The following MAPK14 variants were observed in gnomAD, a reference collection of about 807,000 sequenced individuals.
The protein encoded by MAPK14 is mitogen-activated protein kinase 14.
MAPK14 carries 16 observed loss-of-function variants against 49.6 expected under a neutral mutation model. The ratio of observed to expected loss-of-function variants is 0.32; its 90% CI spans 0.22 to 0.49. The LOEUF (loss-of-function observed/expected upper bound fraction) is 0.49, where lower values mean the gene tolerates loss of function less well. Ranked by LOEUF, MAPK14 falls within the 20% of genes least tolerant of loss-of-function variation. The pLI is 0.99. For synonymous variants in MAPK14, 142 were observed against 158.0 expected, an observed-to-expected ratio of 0.90 and a Z score of 0.76; for missense variants, 200 against 441.2, an observed-to-expected ratio of 0.45 and a Z score of 4.90.
chr6:36,078,594 G>A (rs1764623028), intron 8 of MAPK14, among the ~76,000 whole-genome samples: 1 of 152,082 alleles, frequency 6.6e-6, no homozygotes. Flanking sequence ...TTTCTTCTGT[G>A]AGCTTTAGAT....
intron 1 of MAPK14, among the ~76,000 whole-genome samples, chr6:36,031,730 G>A (rs1333829098): frequency 6.6e-6 from 1 of 152,062 alleles, no homozygotes; most frequent in Non-Finnish European, 1.5e-5. Flanking sequence ...TTTGAGAGCA[G>A]ATTTGATTTT....
chr6:36,121,838 G>A, the MAPK14 span, among the ~76,000 whole-genome samples: 1 of 152,158 alleles, frequency 6.6e-6, no homozygotes, highest in African/African-American at 2.4e-5. Flanking sequence ...TACTAGCTGT[G>A]TGTCCTTGGG....
rs555846891 is a variant in MAPK14, at chr6:36,075,766, T to G, written c.496-82T>G. The stretch of plus-strand genomic sequence containing the variant: ...CCTTTTTAATAAGGCAACAGAGGTT[T>G]GTTTGTTGTTGTTGTTTTGTTTTTT... On this transcript the variant is annotated intron_variant, in intron 6 of 11. Transcript: ENST00000229794. The G allele has an allele frequency of 4.4e-5, 70 of 1,590,146 alleles. No individual in the cohort carries two copies. The Admixed American group carries it at 1.1e-3, about 25-fold the overall frequency.
chr6:36,033,175 T>G (rs954309327), intron 1 of MAPK14, among the ~76,000 whole-genome samples: 2 of 152,228 alleles, frequency 1.3e-5, no homozygotes, highest in African/African-American at 4.8e-5. Context: ...TAGTTGCCTG[T>G]ATGTTACCAG....
At chr6:36,058,131 C>CT (rs150892676) in intron 2 of MAPK14, among the ~76,000 whole-genome samples, 29 of 151,268 alleles carry the variant, frequency 1.9e-4, no homozygotes, top group South Asian at 6.3e-4. Context: ...TAAAAATAGA[C>CT]TTTTTTTTTC....
chr6:36,124,071 G>A, the MAPK14 span, among the ~76,000 whole-genome samples: 3 of 150,920 alleles, frequency 2.0e-5, no homozygotes, highest in African/African-American at 7.3e-5. Context: ...GCAGGGGAGT[G>A]GGGGAGGGTG....
At chr6:36,031,245 C>A (rs1762530562) in intron 1 of MAPK14, among the ~76,000 whole-genome samples, 1 of 152,232 alleles carries the variant, frequency 6.6e-6, no homozygotes, top group South Asian at 2.1e-4. Context: ...GACTCCTGAC[C>A]TCAAGTGATC....
At position 36,108,551 on chromosome 6, in the gene MAPK14, C is replaced by A; in HGVS notation, c.*104C>A. The A allele has an allele frequency of 1.0e-6, 1 of 952,686 alleles. No homozygotes were observed. The highest frequency in any genetic ancestry group is 1.7e-6 in the Non-Finnish European group (1 of 586,892). 59.0% of individuals were successfully genotyped at this position (952,686 alleles called of 1,614,324 possible). On this transcript the variant is annotated 3_prime_UTR_variant, in exon 12 of 12. Coordinates refer to ENST00000229794, the MANE Select transcript of MAPK14 (RefSeq NM_139012.3). ...AAGTGCCTCTTGTTGCAGAGATTTC[C>A]TCCATGGTGGAAGGGGGTGTGCGTG...
chr6:36,100,354 A>G, intron 9 of MAPK14: 2 of 975,244 alleles, frequency 2.1e-6, no homozygotes, highest in Non-Finnish European at 3.3e-6. Context: ...AGTTCTTAAC[A>G]TCACTGGATG....
At chr6:36,061,616 A>G (rs941790780) in intron 3 of MAPK14, among the ~76,000 whole-genome samples, 6 of 152,222 alleles carry the variant, frequency 3.9e-5, no homozygotes, top group African/African-American at 1.4e-4. Flanking sequence ...CTTGTTGACT[A>G]CTTACTGAAT....
At chr6:36,049,186 AGAAT>A (rs1165950380) in intron 1 of MAPK14, among the ~76,000 whole-genome samples, 1 of 152,254 alleles carries the variant, frequency 6.6e-6, no homozygotes, top group Non-Finnish European at 1.5e-5. Context: ...GATTGAGGAA[AGAAT>A]GGGATTGAAA....
At chr6:36,106,705 CAT>C (rs1205559842) in intron 10 of MAPK14, among the ~76,000 whole-genome samples, 1 of 152,032 alleles carries the variant, frequency 6.6e-6, no homozygotes, top group Admixed American at 6.6e-5. Flanking sequence ...ATATGCTAGG[CAT>C]ATGAGTGTTC....
intron 3 of MAPK14, among the ~76,000 whole-genome samples, chr6:36,064,278 C>CCCG (rs1763954991): frequency 1.6e-5 from 2 of 126,550 alleles, no homozygotes; most frequent in Non-Finnish European, 1.7e-5. Context: ...ATGCCCCCCC[C>CCCG]CACCCCTTTT....
intron 8 of MAPK14, among the ~76,000 whole-genome samples, chr6:36,081,976 T>C (rs769479432): frequency 3.3e-5 from 5 of 152,196 alleles, no homozygotes; most frequent in African/African-American, 4.8e-5. Flanking sequence ...TTTTTTCCTA[T>C]GTATTTTATT....
intron 5 of MAPK14, 150 bp downstream of exon 5, chr6:36,073,870 A>C (rs1249219202): frequency 7.3e-6 from 7 of 958,784 alleles, no homozygotes; most frequent in African/African-American, 1.7e-5. Flanking sequence ...TAAAGAAAGA[A>C]GATGTGTAGT....
intron 10 of MAPK14, among the ~76,000 whole-genome samples, chr6:36,106,991 G>T (rs1030627666): frequency 6.6e-6 from 1 of 151,988 alleles, no homozygotes; most frequent in East Asian, 1.9e-4. Flanking sequence ...TACACTGGTA[G>T]CAGTTTGACA....
chr6:36,099,648 CACTA>C (rs948852107), intron 9 of MAPK14, among the ~76,000 whole-genome samples: 2 of 152,256 alleles, frequency 1.3e-5, no homozygotes, highest in Admixed American at 1.3e-4. Flanking sequence ...TTAAATGTAC[CACTA>C]ACTAATGTCT....
At chr6:36,099,082 T>C (rs1170624104) in intron 9 of MAPK14, among the ~76,000 whole-genome samples, 1 of 152,172 alleles carries the variant, frequency 6.6e-6, no homozygotes, top group East Asian at 1.9e-4. Flanking sequence ...ATCTGACCAC[T>C]AGGGAGTTCA....
At chr6:36,090,501 C>A (rs1765178321) in intron 8 of MAPK14, among the ~76,000 whole-genome samples, 1 of 151,368 alleles carries the variant, frequency 6.6e-6, no homozygotes, top group Non-Finnish European at 1.5e-5. Flanking sequence ...GGCCACTGCA[C>A]CCTGCCAAAT....
Sources: allele counts gnomAD v4.1 joint callset (sites outside exome capture counted in the v4.1 genomes callset), GRCh38; gene constraint gnomAD v4.1.1; transcripts MANE v1.5; gene names NCBI Gene and HGNC (gene_info 2026-07-23, HGNC 2026-07-21).